The following PUDP variants were observed in gnomAD, a reference collection of about 807,000 sequenced individuals.
The protein encoded by PUDP is pseudouridine-5'-phosphatase.
Under a neutral mutation model 9.4 loss-of-function variants are expected in PUDP, and 8 were observed. The ratio of observed to expected loss-of-function variants is 0.85; its 90% CI spans 0.50 to 1.53. PUDP has a LOEUF of 1.53. PUDP is among the 40% of genes most tolerant of loss of function. PUDP has a pLI of 0.00. For missense variants in PUDP, 188 were observed against 189.7 expected, an observed-to-expected ratio of 0.99 and a Z score of 0.05; for synonymous variants, 99 against 80.7, an observed-to-expected ratio of 1.23 and a Z score of -1.22.
chrX:6,846,323 C>T (rs951510068), intron 3 of PUDP, among the ~76,000 whole-genome samples: 5 of 106,034 alleles, frequency 4.7e-5, no homozygotes, highest in South Asian at 4.3e-4. Flanking sequence ...GAAAATGGCG[C>T]GGCGTGAACC....
chrX:7,087,811 T>C (rs1931307844), intron 2 of PUDP, among the ~76,000 whole-genome samples: 2 of 112,528 alleles, frequency 1.8e-5, no homozygotes, highest in South Asian at 3.7e-4. Flanking sequence ...ATACAGGCGA[T>C]GAGCATCCGA....
At chrX:6,777,803 G>A (rs1208470837) in intron 3 of PUDP, among the ~76,000 whole-genome samples, 1 of 111,309 alleles carries the variant, frequency 9.0e-6, no homozygotes, top group Non-Finnish European at 1.9e-5. Context: ...TTATAGCAAG[G>A]TCTATACTTA....
intron 1 of PUDP, among the ~76,000 whole-genome samples, chrX:7,140,461 G>A (rs1433100213): frequency 1.8e-5 from 2 of 110,811 alleles, no homozygotes; most frequent in Admixed American, 1.9e-4. Flanking sequence ...GTGCTTTCAG[G>A]GGACATTTCT....
chrX:6,907,298 G>A (rs1322320283), intron 3 of PUDP, among the ~76,000 whole-genome samples: 1 of 111,218 alleles, frequency 9.0e-6, no homozygotes, highest in Non-Finnish European at 1.9e-5. Context: ...AGTTTCCTAA[G>A]GACTCCACAG....
At chrX:6,771,255 A>G (rs1443831074) in intron 3 of PUDP, among the ~76,000 whole-genome samples, 1 of 111,680 alleles carries the variant, frequency 9.0e-6, no homozygotes, top group Non-Finnish European at 1.9e-5. Flanking sequence ...TAATAGATCT[A>G]CTTCAACACC....
chrX:6,887,914 G>GA lies in PUDP; in HGVS notation c.*247+89218dup, dbSNP rs548061378. Reference sequence around the variant, plus strand: ...CTGGAATTTTATAGGAACAGCTTCTGAAAAGCCAAAAAGATGGGGTAAGAA... The same window carrying GA: ...CTGGAATTTTATAGGAACAGCTTCTGAAAAAGCCAAAAAGATGGGGTAAGAA... On this transcript the variant is annotated intron_variant and NMD_transcript_variant, in intron 3 of 3. Coordinates refer to the PUDP transcript ENST00000655425. Among the ~76,000 whole-genome samples the GA allele has an allele frequency of 9.2e-4, 102 of 111,023 alleles. No individual in the cohort carries two copies. In the South Asian group the frequency reaches 0.014, roughly 15 times the overall value.
chrX:6,956,206 C>G (rs771749084), intron 3 of PUDP, among the ~76,000 whole-genome samples: 3 of 111,680 alleles, frequency 2.7e-5, no homozygotes, highest in Non-Finnish European at 5.6e-5. Flanking sequence ...CATGCCACCA[C>G]GCCCAGCTAA....
At chrX:7,124,052 GAC>G (rs1932413922) in intron 1 of PUDP, among the ~76,000 whole-genome samples, 1 of 112,186 alleles carries the variant, frequency 8.9e-6, no homozygotes, top group Non-Finnish European at 1.9e-5. Context: ...ATTAAAACTT[GAC>G]AGACATCTAT....
chrX:7,041,624 A>G (rs1321081939), intron 1 of PUDP, among the ~76,000 whole-genome samples: 13 of 111,907 alleles, frequency 1.2e-4, no homozygotes, highest in South Asian at 3.7e-4. Context: ...GCAAACTTCA[A>G]AAGAGACAAA....
chrX:6,978,628 TAAAC>T (rs764340942), intron 1 of PUDP, among the ~76,000 whole-genome samples: 23 of 111,722 alleles, frequency 2.1e-4, no homozygotes, highest in Non-Finnish European at 3.4e-4. Flanking sequence ...ATCTCAGACT[TAAAC>T]AAAAAAGACA....
chrX:6,785,323 A>G (rs1051803115), intron 3 of PUDP, among the ~76,000 whole-genome samples: 2 of 112,457 alleles, frequency 1.8e-5, no homozygotes, highest in Non-Finnish European at 3.8e-5. Flanking sequence ...TTTTGTTTTT[A>G]AGATTCTTCT....
chrX:6,927,049 T>C (rs1259987333), intron 3 of PUDP, among the ~76,000 whole-genome samples: 3 of 105,040 alleles, frequency 2.9e-5, no homozygotes, highest in East Asian at 6.3e-4. Flanking sequence ...TGCGTCAGCC[T>C]CCTGAGTAGC....
At chrX:6,870,863 C>T (rs975706390) in intron 3 of PUDP, among the ~76,000 whole-genome samples, 7 of 110,881 alleles carry the variant, frequency 6.3e-5, no homozygotes, top group Admixed American at 9.6e-5. Context: ...TTATAGAGAC[C>T]GAATCTTTCT....
At chrX:6,976,288 C>T (rs1483314727) in intron 3 of PUDP, among the ~76,000 whole-genome samples, 5 of 111,880 alleles carry the variant, frequency 4.5e-5, no homozygotes, top group African/African-American at 1.3e-4. Context: ...TCTACCCAAA[C>T]GGCTGCCCAG....
chrX:6,987,228 T>G (rs1569135695), intron 1 of PUDP, among the ~76,000 whole-genome samples: 2 of 111,957 alleles, frequency 1.8e-5, no homozygotes, highest in African/African-American at 6.5e-5. Flanking sequence ...TCCAGCAGCC[T>G]TAGAGGTGGC....
intron 3 of PUDP, among the ~76,000 whole-genome samples, chrX:6,929,085 G>A (rs1423998954): frequency 8.9e-6 from 1 of 111,963 alleles, no homozygotes; most frequent in Non-Finnish European, 1.9e-5. Flanking sequence ...AAACGAGAAG[G>A]CAATACCACA....
intron 3 of PUDP, among the ~76,000 whole-genome samples, chrX:6,908,394 T>C (rs925736452): frequency 1.8e-5 from 2 of 112,242 alleles, no homozygotes; most frequent in African/African-American, 6.5e-5. Context: ...AGTTTGATGA[T>C]TTGCTAGAAA....
chrX:6,867,711 T>C (rs1927110930), intron 3 of PUDP, among the ~76,000 whole-genome samples: 1 of 111,271 alleles, frequency 9.0e-6, no homozygotes, highest in Non-Finnish European at 1.9e-5. Context: ...GAGGTGGTAG[T>C]GTTTATGGTA....
At chrX:6,985,736 C>T (rs1929094951) in intron 1 of PUDP, among the ~76,000 whole-genome samples, 1 of 111,252 alleles carries the variant, frequency 9.0e-6, no homozygotes, top group African/African-American at 3.3e-5. Context: ...CAGCCTCTTG[C>T]CCCGTAATAA....
Sources: allele counts gnomAD v4.1 joint callset (sites outside exome capture counted in the v4.1 genomes callset), GRCh38; gene constraint gnomAD v4.1.1; transcripts MANE v1.5; gene names NCBI Gene and HGNC (gene_info 2026-07-23, HGNC 2026-07-21).